The following NVL variants were observed in gnomAD, a reference collection of about 807,000 sequenced individuals.
The protein encoded by NVL is nuclear valosin-containing protein-like.
NVL carries 84 observed loss-of-function variants against 110.2 expected under a neutral mutation model. That is an observed-to-expected ratio of 0.76 (90% CI 0.64 to 0.91). The LOEUF (loss-of-function observed/expected upper bound fraction) is 0.91. Among genes scored for constraint, NVL ranks in the 40% least tolerant of loss-of-function variants. NVL has a pLI of 0.00. For missense variants in NVL, 882 were observed against 1,035.9 expected (o/e 0.85, Z 2.04); for synonymous variants, 354 against 361.1 (o/e 0.98, Z 0.22).
intron 18 of NVL, among the ~76,000 whole-genome samples, chr1:224,253,699 C>T (rs1483887972): frequency 1.4e-5 from 2 of 145,606 alleles, no homozygotes; most frequent in Non-Finnish European, 3.0e-5. Flanking sequence ...GGCCACTGCA[C>T]TCCAGCCTTG....
intron 19 of NVL, among the ~76,000 whole-genome samples, chr1:224,243,241 C>T (rs929854505): frequency 1.3e-5 from 2 of 151,520 alleles, no homozygotes; most frequent in Admixed American, 1.3e-4. Flanking sequence ...GGGTACATCG[C>T]TTGAGCTCAG....
intron 10 of NVL, among the ~76,000 whole-genome samples, chr1:224,297,245 G>A (rs753415749): frequency 6.6e-6 from 1 of 152,170 alleles, no homozygotes; most frequent in Non-Finnish European, 1.5e-5. Flanking sequence ...AACTTTCCCA[G>A]CATCCACACT....
chr1:224,312,630 G>T (rs1669630887), intron 4 of NVL: 1 of 151,928 alleles, frequency 6.6e-6, no homozygotes, highest in African/African-American at 2.4e-5. Context: ...GACTAGCCTG[G>T]CCAACATGGT....
intron 13 of NVL, among the ~76,000 whole-genome samples, chr1:224,288,491 G>C (rs2102627360): frequency 6.6e-6 from 1 of 152,202 alleles, no homozygotes; most frequent in South Asian, 2.1e-4. Flanking sequence ...TTGTGGAGAA[G>C]ATGAAAGGAT....
Position 224,268,145 on chromosome 1 carries a change from T to C in NVL, c.2083-12A>G. On this transcript the variant is annotated splice_polypyrimidine_tract_variant and intron_variant, in intron 17 of 22. Coordinates refer to ENST00000281701, the MANE Select transcript of NVL (RefSeq NM_002533.4). ...ACACTTGCCCCTGTCTAAAAAGACA[T>C]AAATCTGGTTCCATCAGCTCTCAAT... is the stretch of plus-strand genomic sequence containing the variant. The C allele has an allele frequency of 6.3e-7, 1 of 1,589,540 alleles. No homozygotes were observed. The highest frequency in any genetic ancestry group is 1.1e-5 in the South Asian group (1 of 89,620).
At chr1:224,272,878 C>T (rs1451755802) in intron 17 of NVL, among the ~76,000 whole-genome samples, 1 of 148,800 alleles carries the variant, frequency 6.7e-6, no homozygotes, top group Non-Finnish European at 1.5e-5. Flanking sequence ...ACTAAAAATA[C>T]AAAAAATTAG....
chr1:224,318,460 G>C (rs1670302196), intron 2 of NVL, among the ~76,000 whole-genome samples: 3 of 152,050 alleles, frequency 2.0e-5, no homozygotes, highest in Admixed American at 1.3e-4. Context: ...AAATTAGCCA[G>C]GTATGGTAGT....
intron 18 of NVL, among the ~76,000 whole-genome samples, chr1:224,266,024 C>T (rs995376271): frequency 6.6e-6 from 1 of 152,262 alleles, no homozygotes; most frequent in Admixed American, 6.5e-5. Context: ...ACAAGTCATA[C>T]ATCAAAACCA....
In NVL at chr1:224,303,794, G is replaced by A; in HGVS notation, c.889C>T (p.Pro297Ser). The change falls in exon 9 of 23, where the codon CCC becomes TCC. Residue 297 changes from proline (P) to serine (S), a missense_variant. By Grantham distance (74) the Pro-to-Ser change is moderately conservative (BLOSUM62 -1). This residue lies in a region of NVL where 416 missense variants were observed against 499.3 expected (regional missense o/e 0.83). Coordinates refer to ENST00000281701, the MANE Select transcript of NVL (RefSeq NM_002533.4). The part of the protein sequence containing the change: ...PEVYHHLGVV[P>S]PRGVLLHGPP... The stretch of plus-strand genomic sequence containing the variant: ...CCATGAAGGAGAACTCCACGAGGGG[G>A]CACGACGCCCAGGTGGTGGTACACC... The A allele has an allele frequency of 6.2e-7, 1 of 1,613,524 alleles. No homozygotes were observed. Among genetic ancestry groups the A allele is most frequent in the African/African-American group, 1.3e-5 (1 of 75,038 alleles).
intron 18 of NVL, among the ~76,000 whole-genome samples, chr1:224,253,731 C>CAAAAAAAAAAAA (rs770232348): frequency 1.8e-5 from 1 of 55,776 alleles, no homozygotes; most frequent in Non-Finnish European, 3.7e-5. Context: ...GGCTCGGTCT[C>CAAAAAAAAAAAA]AAAAAAAAAA....
At chr1:224,274,628 C>A (rs937041955) in intron 17 of NVL, among the ~76,000 whole-genome samples, 6 of 152,102 alleles carry the variant, frequency 3.9e-5, no homozygotes, top group Admixed American at 3.3e-4. Context: ...AAGAGCAAAA[C>A]TCCGTCTCGA....
chr1:224,284,937 T>C (rs958146245), intron 15 of NVL, among the ~76,000 whole-genome samples: 35 of 152,174 alleles, frequency 2.3e-4, no homozygotes, highest in African/African-American at 8.2e-4. Context: ...CATTCTAATA[T>C]AATTATTAGT....
chr1:224,227,576 T>C lies in NVL; in HGVS notation c.*50A>G. The C allele has an allele frequency of 1.9e-6, 3 of 1,571,056 alleles. No individual in the cohort carries two copies. The highest frequency in any genetic ancestry group is 1.7e-6 in the Non-Finnish European group (2 of 1,147,414). On this transcript the variant is annotated 3_prime_UTR_variant, in exon 23 of 23. Transcript: ENST00000281701. ...TGGGTCCTTCAGAGCGTGTGGGGGA[T>C]TCTCTGCCGGCTTGATGGGCTAGCT...
intron 11 of NVL, among the ~76,000 whole-genome samples, chr1:224,296,071 C>T (rs553072613): frequency 1.3e-3 from 192 of 151,560 alleles, no homozygotes; most frequent in African/African-American, 4.1e-3. Context: ...GTCAAGGCTG[C>T]GGTGAGCTGT....
At chr1:224,262,969 G>A (rs1664135950) in intron 18 of NVL, among the ~76,000 whole-genome samples, 1 of 152,018 alleles carries the variant, frequency 6.6e-6, no homozygotes, top group East Asian at 1.9e-4. Context: ...GGGAGTGGAG[G>A]GTATGGAGAA....
intron 18 of NVL, among the ~76,000 whole-genome samples, chr1:224,266,351 A>G (rs564176166): frequency 6.6e-6 from 1 of 152,318 alleles, no homozygotes; most frequent in South Asian, 2.1e-4. Flanking sequence ...AGTTGAGATA[A>G]ATGTCCAAAG....
chr1:224,270,473 G>A (rs942704735), intron 17 of NVL, among the ~76,000 whole-genome samples: 7 of 152,134 alleles, frequency 4.6e-5, no homozygotes, highest in Admixed American at 2.6e-4. Context: ...CAGAAGAATT[G>A]CTTGAACCCG....
chr1:224,232,726 G>A (rs1660041405), intron 21 of NVL, among the ~76,000 whole-genome samples: 1 of 152,136 alleles, frequency 6.6e-6, no homozygotes, highest in Non-Finnish European at 1.5e-5. Flanking sequence ...GTGAAGGATG[G>A]TGCAAAGCTT....
At chr1:224,285,938 T>G (rs1666813558) in intron 15 of NVL, 88 bp downstream of exon 15, 1 of 967,548 alleles carries the variant, frequency 1.0e-6, no homozygotes, top group Non-Finnish European at 1.6e-6. Context: ...TGCATAAGAC[T>G]TACCTCACTG....
Sources: allele counts gnomAD v4.1 joint callset (sites outside exome capture counted in the v4.1 genomes callset), GRCh38; gene constraint gnomAD v4.1.1; regional missense constraint gnomAD v4.1.1; transcripts MANE v1.5; gene names NCBI Gene and HGNC (gene_info 2026-07-23, HGNC 2026-07-21).